ELMO1: variants seen among roughly 807,000 people sequenced by gnomAD.
The protein encoded by ELMO1 is engulfment and cell motility 1, also known as engulfment and cell motility protein 1.
ELMO1 carries 26 observed loss-of-function variants against 98.9 expected under a neutral mutation model. The ratio of observed to expected loss-of-function variants is 0.26; its 90% CI spans 0.19 to 0.36. The LOEUF is 0.36. Among genes scored for constraint, ELMO1 ranks in the 10% least tolerant of loss-of-function variants. The probability of loss-of-function intolerance (pLI) is 1.00; values close to 1 mark genes in which losing one functional copy is unlikely to be tolerated. For missense variants in ELMO1, 627 were observed against 935.2 expected (o/e 0.67, Z 4.30); for synonymous variants, 346 against 346.0 (o/e 1.00, Z 0.00).
intron 15 of ELMO1, among the ~76,000 whole-genome samples, chr7:37,073,356 T>C (rs1797382229): frequency 6.6e-6 from 1 of 152,200 alleles, no homozygotes; most frequent in Admixed American, 6.5e-5. Context: ...TATATACATG[T>C]ATATGCAAAC....
chr7:37,399,253 G>C (rs1159487493), intron 1 of ELMO1, among the ~76,000 whole-genome samples: 1 of 152,260 alleles, frequency 6.6e-6, no homozygotes, highest in Non-Finnish European at 1.5e-5. Context: ...AAGGGAGACA[G>C]AGATGGGAGC....
At position 36,876,791 on chromosome 7, in the gene ELMO1, G is replaced by A. The variant is rs116497424; in HGVS notation, c.1822+1219C>T. 1.2e-3 allele frequency among the ~76,000 whole-genome samples: 181 copies of A among 152,306 alleles called. 1 individual carries two copies. The highest frequency in any genetic ancestry group is 4.2e-3 in the African/African-American group (176 of 41,564). On this transcript the variant is annotated intron_variant, in intron 19 of 21. Coordinates refer to ENST00000310758, the MANE Select transcript of ELMO1 (RefSeq NM_014800.11). ...CCCCTAACTCCTGCCCCAAAGCAGG[G>A]AGGCATAGACAATGTCCCAGGCTCT...
intron 15 of ELMO1, among the ~76,000 whole-genome samples, chr7:37,055,307 C>A (rs1796335756): frequency 6.6e-6 from 1 of 152,216 alleles, no homozygotes; most frequent in Non-Finnish European, 1.5e-5. Context: ...CCATCTCTAA[C>A]AACTTAGGAG....
intron 16 of ELMO1, among the ~76,000 whole-genome samples, chr7:36,992,592 T>A (rs917708282): frequency 3.9e-5 from 6 of 152,180 alleles, no homozygotes; most frequent in African/African-American, 1.4e-4. Context: ...ACTGGGCCAA[T>A]GGTAGGATAT....
intron 13 of ELMO1, among the ~76,000 whole-genome samples, chr7:37,167,701 G>A (rs1789819185): frequency 6.6e-6 from 1 of 152,226 alleles, no homozygotes; most frequent in Admixed American, 6.5e-5. Context: ...TTTCTGCCGA[G>A]AGATCAGCTG....
chr7:37,199,255 T>C (rs926961214), intron 13 of ELMO1, among the ~76,000 whole-genome samples: 10 of 152,224 alleles, frequency 6.6e-5, no homozygotes, highest in African/African-American at 2.4e-4. Flanking sequence ...GGTCAAGTAT[T>C]ATCATGGTAA....
chr7:37,415,575 T>C (rs1236351778), intron 1 of ELMO1, among the ~76,000 whole-genome samples: 1 of 152,142 alleles, frequency 6.6e-6, no homozygotes, highest in Non-Finnish European at 1.5e-5. Flanking sequence ...AATTTAATGA[T>C]CGTAATAATA....
chr7:37,096,312 T>C (rs1290898718), intron 15 of ELMO1, among the ~76,000 whole-genome samples: 6 of 151,218 alleles, frequency 4.0e-5, no homozygotes, highest in Non-Finnish European at 8.8e-5. Flanking sequence ...AAGAAATCCA[T>C]AGATTTTTTT....
intron 9 of ELMO1, 100 bp from the exon 10 acceptor site, chr7:37,222,793 C>G (rs763348755): frequency 3.9e-6 from 4 of 1,035,290 alleles, no homozygotes; most frequent in Admixed American, 5.1e-5. Context: ...CCCCCTCCCC[C>G]CAAAAAAAGT....
intron 2 of ELMO1, among the ~76,000 whole-genome samples, chr7:37,335,293 G>A (rs1800339666): frequency 6.6e-6 from 1 of 152,130 alleles, no homozygotes; most frequent in Non-Finnish European, 1.5e-5. Flanking sequence ...GTAGAGAGCT[G>A]GGAGAAGGCA....
intron 8 of ELMO1, among the ~76,000 whole-genome samples, chr7:37,226,129 G>A (rs1189906618): frequency 1.3e-5 from 2 of 152,146 alleles, no homozygotes; most frequent in African/African-American, 4.8e-5. Context: ...AGGGGTGGGA[G>A]ACGCAGATAC....
intron 14 of ELMO1, chr7:37,132,929 T>G (rs2541097): frequency 0.19 from 70,637 of 379,622 alleles, 8,093 homozygotes; most frequent in African/African-American, 0.38. Context: ...GTCATCGAAA[T>G]AAAAAAATTA....
At chr7:37,260,921 T>C (rs1399132255) in intron 5 of ELMO1, among the ~76,000 whole-genome samples, 1 of 152,200 alleles carries the variant, frequency 6.6e-6, no homozygotes, top group East Asian at 1.9e-4. Context: ...CTTTCCAAAA[T>C]TTTCAAATGG....
intron 15 of ELMO1, among the ~76,000 whole-genome samples, chr7:37,064,267 C>G (rs558178708): frequency 4.6e-5 from 7 of 152,304 alleles, no homozygotes; most frequent in Non-Finnish European, 1.0e-4. Context: ...ATTGACTCCC[C>G]TCATGCTAGG....
rs1584253720 is a variant in ELMO1 at position 36,855,181 on chromosome 7, C to A, written c.*370G>T. On this transcript the variant is annotated 3_prime_UTR_variant, in exon 22 of 22. Coordinates refer to ENST00000310758, the MANE Select transcript of ELMO1 (RefSeq NM_014800.11). The surrounding 1 kb of genome is among the most constrained non-coding windows in gnomAD (Gnocchi z 4.2). ...GGGGCACTGCCCTTGGTCTGGTGGG[C>A]AAGTTTTTGGGCAGTCTGGGGCTGC... The A allele has an allele frequency of 7.3e-6, 2 of 272,994 alleles. No homozygotes were observed. Among genetic ancestry groups the A allele is most frequent in the Non-Finnish European group, 1.4e-5 (2 of 140,550 alleles). 16.9% of individuals were successfully genotyped at this position (272,994 alleles called of 1,614,324 possible). A position where few individuals can be genotyped will look rare whatever the true frequency, so the allele number is the denominator to read the frequency against.
intron 14 of ELMO1, among the ~76,000 whole-genome samples, chr7:37,114,505 T>C (rs997579684): frequency 1.3e-5 from 2 of 151,352 alleles, no homozygotes; most frequent in Admixed American, 1.3e-4. Context: ...AGTCACTGGG[T>C]TGCCTTATCA....
At chr7:36,880,181 T>C (rs1403663920) in intron 18 of ELMO1, among the ~76,000 whole-genome samples, 1 of 152,160 alleles carries the variant, frequency 6.6e-6, no homozygotes, top group Non-Finnish European at 1.5e-5. Context: ...TAAAGGGTGA[T>C]AGAGGCTGGG....
Position 37,107,499 on chromosome 7 carries a change from A to G in ELMO1, c.1192-10772T>C, listed in dbSNP as rs191870312. On this transcript the variant is annotated intron_variant, in intron 14 of 21. Transcript: ENST00000310758. ...GCTGAATAAAAGCAGAGAAGCCCCT[A>G]TGCATCTTGGGCAGTATTAAGCAAC... Among the ~76,000 whole-genome samples the G allele has an allele frequency of 2.6e-4, 39 of 152,362 alleles. No individual in the cohort carries two copies. The East Asian group carries it at 3.5e-3, about 14-fold the overall frequency.
intron 1 of ELMO1, among the ~76,000 whole-genome samples, chr7:37,406,267 G>GT (rs71554508): frequency 0.21 from 30,180 of 145,406 alleles, 3,148 homozygotes; most frequent in Middle Eastern, 0.29. Flanking sequence ...TTACTCTTTT[G>GT]TTTTTTTTTT....
Sources: allele counts gnomAD v4.1 joint callset (sites outside exome capture counted in the v4.1 genomes callset), GRCh38; gene constraint gnomAD v4.1.1; non-coding constraint Gnocchi (gnomAD v3.1); transcripts MANE v1.5; gene names NCBI Gene and HGNC (gene_info 2026-07-23, HGNC 2026-07-21).